BBX: variants seen among roughly 807,000 people sequenced by gnomAD.
The protein encoded by BBX is BBX high mobility group box domain containing.
Under a neutral mutation model 100.2 loss-of-function variants are expected in BBX, and 30 were observed. The ratio of observed to expected loss-of-function variants is 0.30; its 90% CI spans 0.22 to 0.41. BBX has a LOEUF of 0.41. Among genes scored for constraint, BBX ranks in the 10% least tolerant of loss-of-function variants. The pLI, the probability that BBX is intolerant of heterozygous loss-of-function variation, is 1.00. For synonymous variants in BBX, 376 were observed against 388.1 expected (o/e 0.97, Z 0.37); for missense variants, 1,023 against 1,129.8 (o/e 0.91, Z 1.35).
At chr3:107,732,873 GTCTTTATGAGTAT>G (rs2063396119) in intron 6 of BBX, 70 bp from the exon 7 acceptor site, 1 of 1,136,194 alleles carries the variant, frequency 8.8e-7, no homozygotes, top group African/African-American at 1.6e-5. Context: ...CTGATTGCTA[GTCTTTATGAGTAT>G]TCTTTTTGAC....
chr3:107,657,939 G>A (rs993322760), intron 3 of BBX, among the ~76,000 whole-genome samples: 1 of 152,072 alleles, frequency 6.6e-6, no homozygotes, highest in Admixed American at 6.6e-5. Flanking sequence ...GATCTGTGGT[G>A]GGAAAAGCAG....
chr3:107,566,563 T>G (rs1054283874), intron 2 of BBX, among the ~76,000 whole-genome samples: 10 of 151,850 alleles, frequency 6.6e-5, no homozygotes, highest in East Asian at 1.9e-4. Flanking sequence ...TTTGTTTTTT[T>G]TTTTTTTTGA....
intron 3 of BBX, among the ~76,000 whole-genome samples, chr3:107,681,476 G>A (rs2059571964): frequency 6.6e-6 from 1 of 152,062 alleles, no homozygotes; most frequent in Admixed American, 6.6e-5. Context: ...CATTATTTGG[G>A]GAAATGCCAC....
intron 4 of BBX, among the ~76,000 whole-genome samples, chr3:107,714,320 T>A (rs1487023400): frequency 1.3e-5 from 2 of 152,134 alleles, no homozygotes; most frequent in African/African-American, 4.8e-5. Context: ...CAGGGAGGCC[T>A]TCTTGCGCTT....
chr3:107,579,401 G>T (rs2052083260), intron 2 of BBX, among the ~76,000 whole-genome samples: 1 of 152,062 alleles, frequency 6.6e-6, no homozygotes, highest in Non-Finnish European at 1.5e-5. Flanking sequence ...CTAGTTATAG[G>T]GCCACCAAAA....
intron 9 of BBX, among the ~76,000 whole-genome samples, chr3:107,753,852 C>T (rs1297223349): frequency 6.6e-6 from 1 of 152,208 alleles, no homozygotes; most frequent in Non-Finnish European, 1.5e-5. Context: ...TAAATATCCA[C>T]ACACACTGCT....
intron 3 of BBX, among the ~76,000 whole-genome samples, chr3:107,687,334 CTTTTTTT>C (rs35093419): frequency 0.014 from 2,051 of 144,914 alleles, 44 homozygotes; most frequent in African/African-American, 0.049. Flanking sequence ...AGTTAAGTTT[CTTTTTTT>C]TTTTTTTAAC....
chr3:107,706,159 A>G (rs1316789802), intron 3 of BBX, among the ~76,000 whole-genome samples: 1 of 151,360 alleles, frequency 6.6e-6, no homozygotes, highest in African/African-American at 2.4e-5. Context: ...AGTAGCTGGG[A>G]CTACAAGTGC....
intron 2 of BBX, among the ~76,000 whole-genome samples, chr3:107,618,550 T>C (rs2055479800): frequency 6.6e-6 from 1 of 152,094 alleles, no homozygotes; most frequent in South Asian, 2.1e-4. Flanking sequence ...AGGTTCCCGT[T>C]TGAGCATTGC....
At position 107,578,707 on chromosome 3, in the gene BBX, A is replaced by C. The variant is rs776126550; in HGVS notation, c.-84+52309A>C. Among the ~76,000 whole-genome samples the C allele has an allele frequency of 3.3e-5, 5 of 152,100 alleles. 1 individual carries two copies. Among genetic ancestry groups the C allele is most frequent in the Admixed American group, 2.0e-4 (3 of 15,278 alleles). Reference sequence around the variant, plus strand: ...CATCTGCAGGAAGGAGAAGCACAGCACACTCAGCTCAAAGGGAGGTGCCTC... The same window carrying C: ...CATCTGCAGGAAGGAGAAGCACAGCCCACTCAGCTCAAAGGGAGGTGCCTC... On this transcript the variant is annotated intron_variant, in intron 2 of 17. Coordinates refer to ENST00000325805, the MANE Select transcript of BBX (RefSeq NM_001142568.3).
chr3:107,735,877 TA>T (rs2063602507), intron 7 of BBX, among the ~76,000 whole-genome samples: 1 of 152,104 alleles, frequency 6.6e-6, no homozygotes, highest in South Asian at 2.1e-4. Flanking sequence ...CAACATTTTT[TA>T]TGTGCCTCTA....
At chr3:107,629,875 AT>A (rs1028930264) in intron 2 of BBX, among the ~76,000 whole-genome samples, 2 of 151,940 alleles carry the variant, frequency 1.3e-5, no homozygotes, top group Admixed American at 6.6e-5. Flanking sequence ...CTCCAACACC[AT>A]TTTTTTTAAT....
intron 2 of BBX, among the ~76,000 whole-genome samples, chr3:107,561,970 T>G (rs749751104): frequency 6.6e-6 from 1 of 152,238 alleles, no homozygotes; most frequent in East Asian, 1.9e-4. Context: ...TGTTCTTTAT[T>G]GCATTTGGGG....
rs531625202 is a variant in BBX at position 107,728,696 on chromosome 3, G to A, written c.406-69G>A. 7.9e-6 allele frequency: 11 copies of A among 1,393,334 alleles called. No individual in the cohort carries two copies. In the African/African-American group the frequency reaches 1.4e-4, roughly 18 times the overall value. The allele number at this position is 1,393,334 out of a possible 1,614,324, so 86.3% of individuals were successfully genotyped here. A position where few individuals can be genotyped will look rare whatever the true frequency, so the allele number is the denominator to read the frequency against. ...CTTGGTATCTAAATAGGGGAATGGG[G>A]TGACAGCCTTTAGAACTTTTTCAAT... is the stretch of plus-strand genomic sequence containing the variant. On this transcript the variant is annotated intron_variant, in intron 5 of 17. Coordinates refer to ENST00000325805, the MANE Select transcript of BBX (RefSeq NM_001142568.3).
intron 2 of BBX, among the ~76,000 whole-genome samples, chr3:107,555,767 A>T (rs2050055365): frequency 1.3e-5 from 2 of 152,182 alleles, no homozygotes; most frequent in South Asian, 4.1e-4. Context: ...GCATCAAAGG[A>T]TTAATCACTC....
chr3:107,623,955 C>T (rs1357370195), intron 2 of BBX, among the ~76,000 whole-genome samples: 1 of 152,128 alleles, frequency 6.6e-6, no homozygotes, highest in Non-Finnish European at 1.5e-5. Flanking sequence ...TTAGAATTGA[C>T]TTTTAAAACT....
chr3:107,637,380 A>G (rs1484037464), intron 2 of BBX, among the ~76,000 whole-genome samples: 2 of 152,220 alleles, frequency 1.3e-5, no homozygotes, highest in Non-Finnish European at 2.9e-5. Flanking sequence ...ACGCTTCTGT[A>G]GAGGAACACA....
At chr3:107,643,959 T>C (rs1476703057) in intron 2 of BBX, among the ~76,000 whole-genome samples, 2 of 152,154 alleles carry the variant, frequency 1.3e-5, no homozygotes, top group Non-Finnish European at 2.9e-5. Context: ...AAGTCTACCA[T>C]GATTCCTTCG....
intron 2 of BBX, among the ~76,000 whole-genome samples, chr3:107,546,636 TTAAA>T (rs1295348494): frequency 2.0e-5 from 3 of 152,188 alleles, no homozygotes; most frequent in African/African-American, 7.2e-5. Context: ...GACTTCTGAG[TTAAA>T]TAATTTAAAA....
Sources: gnomAD v4.1 joint callset for allele counts (sites outside exome capture counted in the v4.1 genomes callset) on GRCh38, gnomAD v4.1.1 for gene constraint, MANE v1.5 for transcripts, NCBI Gene and HGNC (gene_info 2026-07-23, HGNC 2026-07-21) for gene names.